The following IRAG1 variants were observed in gnomAD, a reference collection of about 807,000 sequenced individuals.
IRAG1 encodes the protein inositol 1,4,5-triphosphate receptor associated 1, also known as IP3R-associated cGMP kinase substrate.
In IRAG1, 62 loss-of-function variants were observed where a neutral mutation model predicts 106.2. That is an observed-to-expected ratio of 0.58 (90% CI 0.48 to 0.72). The LOEUF (loss-of-function observed/expected upper bound fraction) is 0.72. Ranked by LOEUF, IRAG1 falls within the 30% of genes least tolerant of loss-of-function variation. The pLI is 0.00. For missense variants in IRAG1, 1,064 were observed against 1,140.7 expected (o/e 0.93, Z 0.97); for synonymous variants, 462 against 443.9 (o/e 1.04, Z -0.51).
intron 2 of IRAG1, among the ~76,000 whole-genome samples, chr11:10,639,222 T>C (rs1857344334): frequency 6.6e-6 from 1 of 152,176 alleles, no homozygotes; most frequent in South Asian, 2.1e-4. Flanking sequence ...GCCTGGCCTT[T>C]GTTTATTTTT....
chr11:10,641,778 T>C (rs984846882), intron 2 of IRAG1, among the ~76,000 whole-genome samples: 14 of 152,158 alleles, frequency 9.2e-5, no homozygotes, highest in African/African-American at 1.2e-4. Flanking sequence ...GGGTAGAAGA[T>C]TGATATCTTT....
intron 2 of IRAG1, among the ~76,000 whole-genome samples, chr11:10,637,663 G>A (rs2084438183): frequency 6.6e-6 from 1 of 152,132 alleles, no homozygotes; most frequent in Admixed American, 6.5e-5. Flanking sequence ...TCTATTCAAG[G>A]TGAGCCAGTT....
intron 1 of IRAG1, among the ~76,000 whole-genome samples, chr11:10,684,602 T>TATAACAATAATAATAATAATA (rs377603657): frequency 7.2e-6 from 1 of 138,946 alleles, no homozygotes; most frequent in African/African-American, 2.6e-5. Context: ...AAACTTAAAG[T>TATAACAATAATAATAATAATA]ATAATAATAA....
chr11:10,650,218 A>T (rs1858355530), intron 2 of IRAG1, among the ~76,000 whole-genome samples: 1 of 152,140 alleles, frequency 6.6e-6, no homozygotes, highest in Non-Finnish European at 1.5e-5. Flanking sequence ...GGGTGGGGAG[A>T]TGCCCTTCCC....
chr11:10,647,018 C>T lies in IRAG1; in HGVS notation c.225+5007G>A, dbSNP rs1040487544. ...CATGCAGCTTTGGTTGCTGGCCCCA[C>T]GAGCTTGTGCTCCTGAGGGGCTGGC... On this transcript the variant is annotated intron_variant, in intron 2 of 20. Transcript: ENST00000423302. The surrounding 1 kb of genome is among the most constrained non-coding windows in gnomAD (Gnocchi z 4.3). 2.0e-5 allele frequency among the ~76,000 whole-genome samples: 3 copies of T among 152,180 alleles called. No homozygotes were observed. Among genetic ancestry groups the T allele is most frequent in the Admixed American group, 6.5e-5 (1 of 15,288 alleles).
At chr11:10,609,242 T>C (rs895640511) in intron 11 of IRAG1, among the ~76,000 whole-genome samples, 4 of 152,208 alleles carry the variant, frequency 2.6e-5, no homozygotes, top group Non-Finnish European at 5.9e-5. Flanking sequence ...TTATGGTCTT[T>C]CTACCAACTT....
intron 1 of IRAG1, among the ~76,000 whole-genome samples, chr11:10,684,607 T>C (rs11042917): frequency 0.36 from 33,735 of 92,464 alleles, 4,562 homozygotes; most frequent in Middle Eastern, 0.44. Context: ...TAAAGTATAA[T>C]AATAATAATA....
chr11:10,678,200 T>C (rs1860861746), intron 1 of IRAG1, among the ~76,000 whole-genome samples: 1 of 152,230 alleles, frequency 6.6e-6, no homozygotes, highest in African/African-American at 2.4e-5. Context: ...AGGACTGGAA[T>C]TAATGGGTCA....
chr11:10,610,214 C>T (rs944011457), intron 10 of IRAG1, among the ~76,000 whole-genome samples: 4 of 152,250 alleles, frequency 2.6e-5, no homozygotes, highest in Non-Finnish European at 1.5e-5. Context: ...AAAAAACCTG[C>T]TCCTTGGCAG....
chr11:10,591,691 G>T, intron 17 of IRAG1, 79 bp from the exon 18 acceptor site: 1 of 1,277,138 alleles, frequency 7.8e-7, no homozygotes, highest in Non-Finnish European at 1.1e-6. Flanking sequence ...TTCTGATGAT[G>T]CTGGGAGCGG....
chr11:10,595,478 A>G (rs1413528902), intron 15 of IRAG1, among the ~76,000 whole-genome samples: 4 of 152,194 alleles, frequency 2.6e-5, no homozygotes, highest in African/African-American at 9.7e-5. Flanking sequence ...TTAAAATTAA[A>G]CAAGCTCTCT....
At chr11:10,603,030 G>A in intron 14 of IRAG1, 90 bp downstream of exon 14, 1 of 1,448,852 alleles carries the variant, frequency 6.9e-7, no homozygotes, top group East Asian at 2.4e-5. Flanking sequence ...CCACCTCTAA[G>A]TGGTATCTGT....
At chr11:10,585,660 C>T (rs562033198) in intron 18 of IRAG1, among the ~76,000 whole-genome samples, 1 of 151,994 alleles carries the variant, frequency 6.6e-6, no homozygotes, top group African/African-American at 2.4e-5. Context: ...TCGGGACCAG[C>T]CCAAGATCAT....
intron 2 of IRAG1, among the ~76,000 whole-genome samples, chr11:10,634,719 G>C (rs1023246819): frequency 6.8e-6 from 1 of 147,128 alleles, no homozygotes; most frequent in Non-Finnish European, 1.5e-5. Context: ...CAAAAGGTGA[G>C]ATTTCCTTCT....
At chr11:10,643,769 A>G (rs1006990136) in intron 2 of IRAG1, among the ~76,000 whole-genome samples, 8 of 150,576 alleles carry the variant, frequency 5.3e-5, no homozygotes, top group Non-Finnish European at 1.2e-4. Context: ...CTCCGACCGC[A>G]TGCTGGAGCC....
chr11:10,633,075 C>CTTTTT (rs34222717), intron 3 of IRAG1, among the ~76,000 whole-genome samples: 4 of 124,854 alleles, frequency 3.2e-5, no homozygotes, highest in South Asian at 2.5e-4. Flanking sequence ...TTCTTTCTTT[C>CTTTTT]TTTTTTTTTT....
intron 1 of IRAG1, among the ~76,000 whole-genome samples, chr11:10,655,674 A>G (rs762588192): frequency 2.6e-5 from 4 of 152,178 alleles, no homozygotes; most frequent in Admixed American, 6.5e-5. Flanking sequence ...TTTAGCTACA[A>G]CAAACTGAAA....
rs749201156 is a variant in IRAG1 at position 10,652,250 on chromosome 11, C to T, written c.68-68G>A. ...CTGTCCCAAGCTGGGTTCCATTTCC[C>T]GGAGCCACAAGCCACAGTGAGAGCC... On this transcript the variant is annotated intron_variant, in intron 1 of 20. Coordinates refer to ENST00000423302, the MANE Select transcript of IRAG1 (RefSeq NM_130385.4). 143 of 1,585,466 alleles carry T rather than the reference C, an allele frequency of 9.0e-5. 1 individual carries two copies. Among genetic ancestry groups the T allele is most frequent in the Middle Eastern group, 1.7e-4 (1 of 6,012 alleles).
At chr11:10,616,539 A>C (rs973819720) in intron 10 of IRAG1, among the ~76,000 whole-genome samples, 46 of 152,166 alleles carry the variant, frequency 3.0e-4, no homozygotes, top group African/African-American at 1.1e-3. Context: ...AACAAAAAAC[A>C]AAAAACAAAA....
Sources: gnomAD v4.1 joint callset for allele counts (sites outside exome capture counted in the v4.1 genomes callset) on GRCh38, gnomAD v4.1.1 for gene constraint, Gnocchi (gnomAD v3.1) non-coding constraint, MANE v1.5 for transcripts, NCBI Gene and HGNC (gene_info 2026-07-23, HGNC 2026-07-21) for gene names.